Variants in ADGRL3 observed in about 807,000 individuals in gnomAD.
The protein encoded by ADGRL3 is calcium-independent alpha-latrotoxin receptor 3.
A neutral mutation model predicts 153.5 loss-of-function variants in ADGRL3; 62 were observed. That is an observed-to-expected ratio of 0.40 (90% CI 0.33 to 0.50). The LOEUF is 0.50. ADGRL3 is among the 20% of genes least tolerant of loss of function. The pLI, the probability that ADGRL3 is intolerant of heterozygous loss-of-function variation, is 0.47. For missense variants in ADGRL3, 1,641 were observed against 1,859.4 expected (o/e 0.88, Z 2.16); for synonymous variants, 710 against 672.5 (o/e 1.06, Z -0.86).
chr4:61,297,083 A>G (rs1009382674), intron 1 of ADGRL3, among the ~76,000 whole-genome samples: 15 of 152,144 alleles, frequency 9.9e-5, no homozygotes, highest in African/African-American at 3.6e-4. Flanking sequence ...TAAATACAAC[A>G]TTATTCCAGT....
At chr4:61,981,665 GTT>G (rs1274997948) in intron 18 of ADGRL3, among the ~76,000 whole-genome samples, 8 of 149,688 alleles carry the variant, frequency 5.3e-5, no homozygotes, top group Admixed American at 2.7e-4. Flanking sequence ...GCCAGTTTCA[GTT>G]TACTTAAGAT....
intron 9 of ADGRL3, among the ~76,000 whole-genome samples, chr4:61,842,090 AAC>A (rs2098041579): frequency 6.6e-6 from 1 of 152,356 alleles, no homozygotes; most frequent in South Asian, 2.1e-4. Flanking sequence ...AGAATTTCAT[AAC>A]ACAGAGATGT....
At chr4:61,854,424 G>C (rs942367742) in intron 9 of ADGRL3, among the ~76,000 whole-genome samples, 9 of 152,170 alleles carry the variant, frequency 5.9e-5, no homozygotes, top group African/African-American at 2.2e-4. Flanking sequence ...ATGTCAAAGT[G>C]AGACAGGAGC....
At chr4:61,681,280 A>T (rs182361301) in intron 6 of ADGRL3, among the ~76,000 whole-genome samples, 1 of 152,270 alleles carries the variant, frequency 6.6e-6, no homozygotes. Context: ...TTTACTTTGT[A>T]TCCTGCTGAC....
At chr4:61,298,440 A>C (rs954303222) in intron 1 of ADGRL3, among the ~76,000 whole-genome samples, 1 of 152,216 alleles carries the variant, frequency 6.6e-6, no homozygotes, top group Non-Finnish European at 1.5e-5. Flanking sequence ...TCATTTCATT[A>C]AACAAAAGCC....
intron 1 of ADGRL3, among the ~76,000 whole-genome samples, chr4:61,314,578 AG>A (rs2095138351): frequency 6.6e-6 from 1 of 152,204 alleles, no homozygotes; most frequent in South Asian, 2.1e-4. Flanking sequence ...CACTCATGGG[AG>A]GTAAAGTCTT....
intron 2 of ADGRL3, among the ~76,000 whole-genome samples, chr4:61,403,298 C>G (rs2096953518): frequency 1.3e-5 from 2 of 152,026 alleles, no homozygotes; most frequent in African/African-American, 4.8e-5. Context: ...GGACTAGTTT[C>G]CGGGGACATC....
At position 62,071,015 on chromosome 4, in the gene ADGRL3, G is replaced by T; in HGVS notation, c.*107G>T. ...GTGTGTACTCCTAAATCTTTATGCT[G>T]TCCTCTAAAGACAAACACAAACTCT... On this transcript the variant is annotated 3_prime_UTR_variant, in exon 27 of 27. Transcript: ENST00000683033. 3 of 950,686 alleles carry T rather than the reference G, an allele frequency of 3.2e-6. No homozygotes were observed. The highest frequency in any genetic ancestry group is 1.9e-5 in the South Asian group (1 of 51,946). The allele number at this position is 950,686 out of a possible 1,614,324, so 58.9% of individuals were successfully genotyped here. A position where few individuals can be genotyped will look rare whatever the true frequency, so the allele number is the denominator to read the frequency against.
intron 5 of ADGRL3, among the ~76,000 whole-genome samples, chr4:61,634,786 C>T (rs1220023391): frequency 6.6e-6 from 1 of 152,034 alleles, no homozygotes; most frequent in African/African-American, 2.4e-5. Flanking sequence ...TTTAGCTCAT[C>T]AAAGAATAAG....
intron 1 of ADGRL3, among the ~76,000 whole-genome samples, chr4:61,239,847 TAAG>T (rs1307882008): frequency 6.6e-6 from 1 of 152,048 alleles, no homozygotes; most frequent in African/African-American, 2.4e-5. Flanking sequence ...AGAAAATAGT[TAAG>T]AAATAGATTA....
intron 1 of ADGRL3, among the ~76,000 whole-genome samples, chr4:61,300,898 G>A (rs985228981): frequency 2.0e-5 from 3 of 151,696 alleles, no homozygotes; most frequent in African/African-American, 7.3e-5. Context: ...CCGAGTAGCT[G>A]GGATTACAAG....
At position 61,934,871 on chromosome 4, in the gene ADGRL3, A is replaced by G. The variant is rs1184837072; in HGVS notation, c.2144A>G (p.Gln715Arg). Reference protein sequence around the residue: ...AMVETVNNLLQPQALNAWRDL... With the variant: ...AMVETVNNLLRPQALNAWRDL... ...GTCGAGACAGTTAACAACCTCCTTC[A>G]GCCACAAGCTTTGAATGCATGGAGA... The change falls in exon 14 of 27, where the codon CAG becomes CGG. Residue 715 changes from glutamine to arginine, a missense_variant. Coordinates refer to ENST00000683033, the MANE Select transcript of ADGRL3 (RefSeq NM_001387552.1). 6.2e-7 allele frequency: 1 copy of G among 1,613,760 alleles called. No homozygotes were observed. The highest frequency in any genetic ancestry group is 1.7e-5 in the Admixed American group (1 of 59,928).
chr4:62,058,550 T>C (rs1738305871), intron 25 of ADGRL3, among the ~76,000 whole-genome samples: 1 of 152,174 alleles, frequency 6.6e-6, no homozygotes, highest in Non-Finnish European at 1.5e-5. Flanking sequence ...TATTTCTTTT[T>C]CATGATGCCT....
chr4:61,820,698 C>T (rs2097744297), intron 9 of ADGRL3, among the ~76,000 whole-genome samples: 1 of 152,028 alleles, frequency 6.6e-6, no homozygotes, highest in South Asian at 2.1e-4. Flanking sequence ...AGGCATATTT[C>T]CCAGTTTTAC....
At chr4:61,809,871 A>T (rs2148563781) in intron 8 of ADGRL3, among the ~76,000 whole-genome samples, 1 of 152,256 alleles carries the variant, frequency 6.6e-6, no homozygotes, top group East Asian at 1.9e-4. Context: ...TGTTTTAATT[A>T]CTACCTACGT....
chr4:61,288,939 G>A (rs747749077), intron 1 of ADGRL3, among the ~76,000 whole-genome samples: 12 of 151,824 alleles, frequency 7.9e-5, no homozygotes, highest in Non-Finnish European at 1.6e-4. Flanking sequence ...CTCAACCAGG[G>A]CACTAATCGT....
At chr4:61,326,685 A>G (rs1280853613) in intron 1 of ADGRL3, among the ~76,000 whole-genome samples, 2 of 151,680 alleles carry the variant, frequency 1.3e-5, no homozygotes, top group African/African-American at 2.4e-5. Context: ...ATTATCCTGA[A>G]AAACCTAAAT....
chr4:61,695,990 G>A (rs900219423), intron 6 of ADGRL3, among the ~76,000 whole-genome samples: 2 of 152,262 alleles, frequency 1.3e-5, no homozygotes, highest in African/African-American at 4.8e-5. Context: ...AATGAAGAAA[G>A]TTAAGGCTTT....
At chr4:61,823,834 G>C (rs777247046) in intron 9 of ADGRL3, among the ~76,000 whole-genome samples, 1 of 152,084 alleles carries the variant, frequency 6.6e-6, no homozygotes, top group African/African-American at 2.4e-5. Flanking sequence ...GGATGAGGGG[G>C]GTGGTTCACG....
Sources: gnomAD v4.1 joint callset for allele counts (sites outside exome capture counted in the v4.1 genomes callset) on GRCh38, gnomAD v4.1.1 for gene constraint, MANE v1.5 for transcripts, NCBI Gene and HGNC (gene_info 2026-07-23, HGNC 2026-07-21) for gene names.